ASIC2: variants seen among roughly 807,000 people sequenced by gnomAD.
ASIC2 encodes the protein acid-sensing ion channel 2.
Under a neutral mutation model 57.3 loss-of-function variants are expected in ASIC2, and 25 were observed. That is an observed-to-expected ratio of 0.44 (90% CI 0.32 to 0.61). ASIC2 has a LOEUF of 0.61. Among genes scored for constraint, ASIC2 ranks in the 20% least tolerant of loss-of-function variants. ASIC2 has a pLI of 0.06. For synonymous variants in ASIC2, 319 were observed against 307.5 expected, an observed-to-expected ratio of 1.04 and a Z score of -0.39; for missense variants, 641 against 738.1, an observed-to-expected ratio of 0.87 and a Z score of 1.52.
intron 1 of ASIC2, among the ~76,000 whole-genome samples, chr17:34,011,551 C>T (rs764337139): frequency 5.9e-5 from 9 of 152,076 alleles, no homozygotes; most frequent in Admixed American, 2.0e-4. Context: ...CTCCATTCCC[C>T]GCCCTCCTCC....
chr17:33,969,104 A>G (rs146218787), intron 1 of ASIC2, among the ~76,000 whole-genome samples: 195 of 152,110 alleles, frequency 1.3e-3, no homozygotes, highest in African/African-American at 4.7e-3. Flanking sequence ...GTATTTGCAT[A>G]AGACTCTCCA....
intron 1 of ASIC2, among the ~76,000 whole-genome samples, chr17:33,162,955 T>C (rs1597611083): frequency 6.6e-6 from 1 of 152,220 alleles, no homozygotes; most frequent in East Asian, 1.9e-4. Flanking sequence ...ATACCTAAAG[T>C]GATCATGGCT....
At chr17:33,526,088 C>T (rs534782326) in intron 1 of ASIC2, among the ~76,000 whole-genome samples, 1 of 152,264 alleles carries the variant, frequency 6.6e-6, no homozygotes, top group Admixed American at 6.5e-5. Flanking sequence ...AATTCAGCCC[C>T]AAGTAAACTG....
chr17:34,105,099 A>T (rs1333432957), intron 1 of ASIC2, among the ~76,000 whole-genome samples: 1 of 152,084 alleles, frequency 6.6e-6, no homozygotes, highest in African/African-American at 2.4e-5. Context: ...GTTTTGATTT[A>T]AAAATTCAAT....
At chr17:33,113,281 G>A (rs1316150865) in intron 1 of ASIC2, among the ~76,000 whole-genome samples, 1 of 152,136 alleles carries the variant, frequency 6.6e-6, no homozygotes, top group Non-Finnish European at 1.5e-5. Context: ...CTTTGGCTTT[G>A]CTACCTCTCA....
At chr17:33,838,358 G>C (rs1189410481) in intron 1 of ASIC2, among the ~76,000 whole-genome samples, 3 of 152,162 alleles carry the variant, frequency 2.0e-5, no homozygotes, top group Non-Finnish European at 4.4e-5. Context: ...CTGCTTGAGT[G>C]AATGACCAGC....
intron 1 of ASIC2, among the ~76,000 whole-genome samples, chr17:34,132,462 T>G (rs1268285235): frequency 1.3e-5 from 2 of 151,850 alleles, no homozygotes; most frequent in East Asian, 3.9e-4. Context: ...CCATGTTCTG[T>G]TTTTGTCCTA....
intron 1 of ASIC2, among the ~76,000 whole-genome samples, chr17:33,289,620 C>G (rs1272266014): frequency 6.6e-6 from 1 of 152,196 alleles, no homozygotes; most frequent in Non-Finnish European, 1.5e-5. Context: ...CAAAGTTGGA[C>G]TTTGAACTTG....
At chr17:33,345,569 G>A in intron 1 of ASIC2, among the ~76,000 whole-genome samples, 2 of 152,176 alleles carry the variant, frequency 1.3e-5, no homozygotes, top group South Asian at 2.1e-4. Context: ...CAGGAGAAGA[G>A]GAAATCCCAA....
chr17:33,881,552 A>G (rs1313539371), intron 1 of ASIC2, among the ~76,000 whole-genome samples: 1 of 152,228 alleles, frequency 6.6e-6, no homozygotes, highest in Non-Finnish European at 1.5e-5. Context: ...TCCAACTTAC[A>G]AGGGATGTGA....
intron 1 of ASIC2, among the ~76,000 whole-genome samples, chr17:33,159,788 C>G (rs137944771): frequency 1.9e-3 from 285 of 152,266 alleles, no homozygotes; most frequent in Non-Finnish European, 3.1e-3. Flanking sequence ...GGATGAGTTA[C>G]TTAATCTTCT....
At chr17:34,029,267 G>C (rs1907495100) in intron 1 of ASIC2, among the ~76,000 whole-genome samples, 1 of 150,048 alleles carries the variant, frequency 6.7e-6, no homozygotes, top group Admixed American at 6.8e-5. Context: ...ATTTTTGTCT[G>C]TTTTCTCTAT....
chr17:33,029,847 C>G (rs1304821287), intron 3 of ASIC2, among the ~76,000 whole-genome samples: 3 of 152,220 alleles, frequency 2.0e-5, no homozygotes, highest in Admixed American at 2.0e-4. Context: ...ATGGTTGCAT[C>G]TCATTTGTAT....
At chr17:33,737,092 A>G (rs1360998513) in intron 1 of ASIC2, among the ~76,000 whole-genome samples, 1 of 152,266 alleles carries the variant, frequency 6.6e-6, no homozygotes, top group African/African-American at 2.4e-5. Flanking sequence ...ATTGGTAGAC[A>G]CTGACATTGT....
chr17:34,039,878 C>T, intron 1 of ASIC2: 1 of 1,596,476 alleles, frequency 6.3e-7, no homozygotes, highest in Non-Finnish European at 8.6e-7. Flanking sequence ...ATCATTTCTA[C>T]TGCCGCCGCC....
chr17:33,572,884 C>T (rs1916496486), intron 1 of ASIC2, among the ~76,000 whole-genome samples: 1 of 152,230 alleles, frequency 6.6e-6, no homozygotes, highest in Non-Finnish European at 1.5e-5. Flanking sequence ...CATTCTCTGC[C>T]CTCCTCCTGC....
chr17:33,799,423 CTTTCTTCTTTCTTTCT>C (rs1441356545), intron 1 of ASIC2, among the ~76,000 whole-genome samples: 127 of 66,720 alleles, frequency 1.9e-3, no homozygotes, highest in African/African-American at 6.1e-3. Context: ...TTCTTTCTTT[CTTTCTTCTTTCTTTCT>C]TTCTTTCTTT....
At chr17:33,637,862 C>G (rs1262976579) in intron 1 of ASIC2, among the ~76,000 whole-genome samples, 1 of 152,176 alleles carries the variant, frequency 6.6e-6, no homozygotes, top group Non-Finnish European at 1.5e-5. Flanking sequence ...TCAAATAAGT[C>G]TCCCCAGAGG....
At chr17:33,808,811 A>C (rs1912338813) in intron 1 of ASIC2, among the ~76,000 whole-genome samples, 1 of 152,330 alleles carries the variant, frequency 6.6e-6, no homozygotes, top group South Asian at 2.1e-4. Context: ...TGCTTGGTAC[A>C]TGACAAATAG....
Sources: gnomAD v4.1 joint callset for allele counts (sites outside exome capture counted in the v4.1 genomes callset) on GRCh38, gnomAD v4.1.1 for gene constraint, MANE v1.5 for transcripts, NCBI Gene and HGNC (gene_info 2026-07-23, HGNC 2026-07-21) for gene names.